Variants in KCNIP4 observed in about 807,000 individuals in gnomAD.
KCNIP4 encodes the protein potassium voltage-gated channel interacting protein 4, also known as Kv channel-interacting protein 4.
In KCNIP4, 12 loss-of-function variants were observed where a neutral mutation model predicts 34.0. The ratio of observed to expected loss-of-function variants is 0.35; its 90% confidence interval spans 0.23 to 0.57. The LOEUF (loss-of-function observed/expected upper bound fraction) is 0.57. Among genes scored for constraint, KCNIP4 ranks in the 20% least tolerant of loss-of-function variants. The pLI is 0.83. For synonymous variants in KCNIP4, 124 were observed against 102.2 expected, an observed-to-expected ratio of 1.21 and a Z score of -1.29; for missense variants, 238 against 311.7, an observed-to-expected ratio of 0.76 and a Z score of 1.78.
intron 1 of KCNIP4, among the ~76,000 whole-genome samples, chr4:20,973,679 G>GA (rs1484926548): frequency 1.3e-5 from 2 of 152,166 alleles, no homozygotes; most frequent in Non-Finnish European, 2.9e-5. Context: ...TCAAGTGAGA[G>GA]ATGTATGACT....
chr4:21,129,303 A>G (rs1377653691), intron 1 of KCNIP4, among the ~76,000 whole-genome samples: 2 of 152,154 alleles, frequency 1.3e-5, no homozygotes, highest in Non-Finnish European at 2.9e-5. Context: ...AGTCTCCGGT[A>G]TGTCTTCATT....
chr4:21,628,628 C>G (rs1338017206), intron 1 of KCNIP4, among the ~76,000 whole-genome samples: 1 of 152,090 alleles, frequency 6.6e-6, no homozygotes, highest in East Asian at 1.9e-4. Flanking sequence ...CATTTTATGT[C>G]CTTTTTAATG....
At chr4:21,645,425 AT>A (rs1159741832) in intron 1 of KCNIP4, among the ~76,000 whole-genome samples, 4 of 152,238 alleles carry the variant, frequency 2.6e-5, no homozygotes, top group African/African-American at 9.6e-5. Flanking sequence ...AGAGATAAAC[AT>A]CTGAAAGTCA....
chr4:21,863,457 G>A (rs566017982), intron 1 of KCNIP4, among the ~76,000 whole-genome samples: 1 of 152,040 alleles, frequency 6.6e-6, no homozygotes. Flanking sequence ...TAGGTAAGGG[G>A]ATGGCTTCAT....
At chr4:21,379,408 CTT>C (rs1337164324) in intron 1 of KCNIP4, among the ~76,000 whole-genome samples, 9 of 152,182 alleles carry the variant, frequency 5.9e-5, no homozygotes, top group African/African-American at 2.2e-4. Flanking sequence ...CAGAGTGACT[CTT>C]TTAAAAGGTA....
At chr4:21,549,364 G>C (rs764796410) in intron 1 of KCNIP4, among the ~76,000 whole-genome samples, 1 of 151,864 alleles carries the variant, frequency 6.6e-6, no homozygotes. Context: ...TTTTGGTCAT[G>C]GGGTGGATCC....
At chr4:21,655,225 A>T (rs575309343) in intron 1 of KCNIP4, among the ~76,000 whole-genome samples, 1 of 152,256 alleles carries the variant, frequency 6.6e-6, no homozygotes, top group East Asian at 1.9e-4. Flanking sequence ...ATGCAGATTT[A>T]TTTTAAGCCC....
At chr4:20,986,959 G>A (rs1253378934) in intron 1 of KCNIP4, among the ~76,000 whole-genome samples, 1 of 152,082 alleles carries the variant, frequency 6.6e-6, no homozygotes, top group Non-Finnish European at 1.5e-5. Flanking sequence ...TGTGGCTACC[G>A]GATCGAATCT....
chr4:21,708,382 C>T (rs1298773994), intron 1 of KCNIP4, among the ~76,000 whole-genome samples: 1 of 152,056 alleles, frequency 6.6e-6, no homozygotes, highest in Non-Finnish European at 1.5e-5. Context: ...TTAGGCCCCG[C>T]CTCCAATATA....
At chr4:20,971,019 C>T (rs1215165378) in intron 1 of KCNIP4, among the ~76,000 whole-genome samples, 1 of 152,154 alleles carries the variant, frequency 6.6e-6, no homozygotes, top group Non-Finnish European at 1.5e-5. Context: ...GAAAAAATAC[C>T]TCCTAAGCTG....
chr4:21,910,957 T>C (rs1467318605), intron 1 of KCNIP4, among the ~76,000 whole-genome samples: 1 of 152,220 alleles, frequency 6.6e-6, no homozygotes, highest in Non-Finnish European at 1.5e-5. Flanking sequence ...TGAAATCTGC[T>C]ATTCATTTTT....
At chr4:21,035,134 T>TG (rs1741345822) in intron 1 of KCNIP4, among the ~76,000 whole-genome samples, 1 of 152,182 alleles carries the variant, frequency 6.6e-6, no homozygotes, top group African/African-American at 2.4e-5. Context: ...TGCAATGTTT[T>TG]GGGGGAGAGC....
At chr4:21,935,528 C>T (rs1729810534) in intron 1 of KCNIP4, among the ~76,000 whole-genome samples, 1 of 152,036 alleles carries the variant, frequency 6.6e-6, no homozygotes, top group African/African-American at 2.4e-5. Flanking sequence ...CTGAACTCCA[C>T]TGGCTATTCA....
intron 1 of KCNIP4, among the ~76,000 whole-genome samples, chr4:21,104,258 T>A (rs189042357): frequency 6.6e-6 from 1 of 151,296 alleles, no homozygotes; most frequent in Non-Finnish European, 1.5e-5. Context: ...AGCACCTGTT[T>A]TTTCCTGACA....
chr4:20,730,041 A>AGTT lies in KCNIP4; in HGVS notation c.*38_*40dup. 1 of 1,588,688 alleles carries AGTT rather than the reference A, an allele frequency of 6.3e-7. No homozygotes were observed. Among genetic ancestry groups the AGTT allele is most frequent in the African/African-American group, 1.3e-5 (1 of 74,098 alleles). ...GCTCCAACTTTAAGGGTGGTAGAAT[A>AGTT]GTTCACATTTGTCTGTTGGATTCAG... On this transcript the variant is annotated 3_prime_UTR_variant, in exon 9 of 9. Transcript: ENST00000382152.
chr4:21,691,295 C>T (rs1052926141), intron 1 of KCNIP4, among the ~76,000 whole-genome samples: 1 of 152,272 alleles, frequency 6.6e-6, no homozygotes, highest in Non-Finnish European at 1.5e-5. Context: ...TTCTTCCTAA[C>T]AGGCCTCTGT....
chr4:21,104,485 T>C (rs1387248520), intron 1 of KCNIP4, among the ~76,000 whole-genome samples: 3 of 152,208 alleles, frequency 2.0e-5, no homozygotes, highest in Non-Finnish European at 2.9e-5. Context: ...TTGTAGATTC[T>C]GGATATTAGC....
chr4:21,252,072 TTAAG>T (rs1760744345), intron 1 of KCNIP4, among the ~76,000 whole-genome samples: 1 of 151,554 alleles, frequency 6.6e-6, no homozygotes, highest in African/African-American at 2.4e-5. Context: ...TTTTGATGTT[TTAAG>T]TAACTACCTG....
At chr4:21,618,348 A>G (rs1744743989) in intron 1 of KCNIP4, among the ~76,000 whole-genome samples, 1 of 152,202 alleles carries the variant, frequency 6.6e-6, no homozygotes, top group South Asian at 2.1e-4. Context: ...TAAATAAATC[A>G]AGTATATAAA....
Sources: gnomAD v4.1 joint callset for allele counts (sites outside exome capture counted in the v4.1 genomes callset) on GRCh38, gnomAD v4.1.1 for gene constraint, MANE v1.5 for transcripts, NCBI Gene and HGNC (gene_info 2026-07-23, HGNC 2026-07-21) for gene names.